The following RABEP2 variants were observed in gnomAD, a reference collection of about 807,000 sequenced individuals.
The protein encoded by RABEP2 is rab GTPase-binding effector protein 2.
In RABEP2, 57 loss-of-function variants were observed where a neutral mutation model predicts 74.1. That is an observed-to-expected ratio of 0.77 (90% CI 0.62 to 0.96). The LOEUF is 0.96. Ranked by LOEUF, RABEP2 falls within the 40% of genes least tolerant of loss-of-function variation. RABEP2 has a pLI of 0.00. For synonymous variants in RABEP2, 351 were observed against 344.0 expected, an observed-to-expected ratio of 1.02 and a Z score of -0.23; for missense variants, 692 against 756.3, an observed-to-expected ratio of 0.91 and a Z score of 1.00.
chr16:28,914,988 G>C (rs1017021176), intron 3 of RABEP2, among the ~76,000 whole-genome samples: 1 of 150,616 alleles, frequency 6.6e-6, no homozygotes, highest in African/African-American at 2.4e-5. Flanking sequence ...TGAAGGTCAC[G>C]ACTTCTTCCT....
chr16:28,925,019 C>G (rs1423426261), intron 1 of RABEP2, 84 bp downstream of exon 1: 6 of 1,411,824 alleles, frequency 4.2e-6, no homozygotes, highest in Non-Finnish European at 5.8e-6. Context: ...CATCATCCCT[C>G]TCCACCCCCC....
At position 28,914,400 on chromosome 16, in the gene RABEP2, C is replaced by A; in HGVS notation, c.730G>T (p.Gly244Cys). ...ISSFSLGGGV[G>C]SSSSLPQSRQ... is the part of the protein sequence containing the mutation. ...CTTTGGGGCAGGGAGGAGCTGCTGCCGACCCCACCGCCAAGGGAGAAGGAG... is the reference window on the plus strand; with the variant it reads ...CTTTGGGGCAGGGAGGAGCTGCTGCAGACCCCACCGCCAAGGGAGAAGGAG... Residue 244 changes from glycine to cysteine, a missense_variant, in exon 5 of 13, where the codon GGC (glycine) becomes TGC (cysteine). Coordinates refer to ENST00000358201, the MANE Select transcript of RABEP2 (RefSeq NM_024816.3). The A allele has an allele frequency of 6.2e-7, 1 of 1,613,198 alleles. No individual in the cohort carries two copies. Among genetic ancestry groups the A allele is most frequent in the South Asian group, 1.1e-5 (1 of 91,064 alleles).
Position 28,914,531 on chromosome 16 carries a change from G to T in RABEP2, c.599C>A (p.Ser200Tyr), listed in dbSNP as rs776070926. ...LHGSTELLPL[S>Y]RDPSPPLEPL... is the part of the protein sequence containing the mutation. ...CTCCAGCGGGGGCGATGGATCCCGG[G>T]ACAGGGGCAGCAACTCCGTGGAGCC... The change falls in exon 5 of 13, where the codon TCC (serine) becomes TAC (tyrosine). Residue 200 changes from serine to tyrosine, a missense_variant. Transcript: ENST00000358201. 9 of 1,612,624 alleles carry T rather than the reference G, an allele frequency of 5.6e-6. No homozygotes were observed. The African/African-American group carries it at 1.2e-4, about 21-fold the overall frequency.
intron 8 of RABEP2, among the ~76,000 whole-genome samples, chr16:28,906,580 T>C (rs1274539001): frequency 1.3e-5 from 2 of 151,934 alleles, no homozygotes; most frequent in South Asian, 2.1e-4. Context: ...GCCTGGCCAA[T>C]ATGGTGAAAC....
chr16:28,906,188 C>T lies in RABEP2; in HGVS notation c.1254G>A (p.Gln418=), dbSNP rs1427070588. 1.3e-6 allele frequency: 2 copies of T among 1,587,246 alleles called. No homozygotes were observed. Among genetic ancestry groups the T allele is most frequent in the Non-Finnish European group, 1.7e-6 (2 of 1,173,406 alleles). Residue 418 remains glutamine, a synonymous_variant, in exon 9 of 13, where the codon CAG becomes CAA. Coordinates refer to ENST00000358201, the MANE Select transcript of RABEP2 (RefSeq NM_024816.3). ...ESLPSSVPEL[Q]QLLCCTRQEA... is the part of the protein sequence containing the mutation. The stretch of plus-strand genomic sequence containing the variant: ...CTTGCCGCGTGCAGCACAGCAGCTG[C>T]TGCAGCTCCTGGAAGGGACGGAGGA...
At chr16:28,920,384 A>T (rs1341405086) in intron 2 of RABEP2, among the ~76,000 whole-genome samples, 3 of 148,428 alleles carry the variant, frequency 2.0e-5, no homozygotes, top group Non-Finnish European at 4.5e-5. Context: ...TATTATTATT[A>T]TTATTATTAT....
At chr16:28,923,621 T>C (rs1013774782) in intron 2 of RABEP2, among the ~76,000 whole-genome samples, 2 of 152,194 alleles carry the variant, frequency 1.3e-5, no homozygotes, top group African/African-American at 2.4e-5. Context: ...AGGTGGATCC[T>C]GAAATGTGGG....
In RABEP2 at chr16:28,904,670, G is replaced by T; in HGVS notation, c.*273C>A. The T allele has an allele frequency of 1.4e-6, 1 of 701,438 alleles. No individual in the cohort carries two copies. The highest frequency in any genetic ancestry group is 2.2e-6 in the Non-Finnish European group (1 of 451,252). 43.5% of individuals were successfully genotyped at this position (701,438 alleles called of 1,614,324 possible). A position where few individuals can be genotyped will look rare whatever the true frequency, so the allele number is the denominator to read the frequency against. Reference sequence around the variant, plus strand: ...GGGGAGGGCTGGAGCCCAGGAGGCAGCACAGCAGCCAGAAAGCCGCAGGCC... The same window carrying T: ...GGGGAGGGCTGGAGCCCAGGAGGCATCACAGCAGCCAGAAAGCCGCAGGCC... On this transcript the variant is annotated 3_prime_UTR_variant, in exon 13 of 13. Coordinates refer to ENST00000358201, the MANE Select transcript of RABEP2 (RefSeq NM_024816.3).
chr16:28,925,026 C>T (rs1964516501), intron 1 of RABEP2, 77 bp downstream of exon 1: 4 of 1,447,282 alleles, frequency 2.8e-6, no homozygotes, highest in Admixed American at 1.9e-5. Context: ...CCTCTCCACC[C>T]CCCATCCGCA....
In RABEP2 at chr16:28,924,470, G is replaced by A. The variant is rs767563363; in HGVS notation, c.207C>T (p.Ala69=). Residue 69 remains alanine (A), a synonymous_variant, in exon 2 of 13, where the codon GCC becomes GCT. Coordinates refer to ENST00000358201, the MANE Select transcript of RABEP2 (RefSeq NM_024816.3). ...GCCGCTGCACCGCAGCCACAGCCTCGGCCTTCGTGCTCTCGCTCACCTCTG... is the reference window on the plus strand; with the variant it reads ...GCCGCTGCACCGCAGCCACAGCCTCAGCCTTCGTGCTCTCGCTCACCTCTG... ...AVAEVSESTK[A]EAVAAVQRQC... 3 of 1,613,890 alleles carry A rather than the reference G, an allele frequency of 1.9e-6. No individual in the cohort carries two copies. The highest frequency in any genetic ancestry group is 1.1e-5 in the South Asian group (1 of 91,076).
At chr16:28,908,480 A>T in intron 8 of RABEP2, 129 bp downstream of exon 8, 2 of 949,472 alleles carry the variant, frequency 2.1e-6, no homozygotes, top group Non-Finnish European at 3.0e-6. Flanking sequence ...ACTGAGCCTT[A>T]GAGAAGGCAA....
intron 5 of RABEP2, among the ~76,000 whole-genome samples, chr16:28,912,561 G>A (rs1261229189): frequency 6.6e-6 from 1 of 151,850 alleles, no homozygotes; most frequent in East Asian, 1.9e-4. Flanking sequence ...ATAGGCATGT[G>A]CCACTGTGCC....
At chr16:28,920,005 C>G in intron 2 of RABEP2, 62 bp from the exon 3 acceptor site, 1 of 1,485,954 alleles carries the variant, frequency 6.7e-7, no homozygotes. Context: ...TGCCTGTGGG[C>G]GAGCAGGGGA....
Position 28,905,378 on chromosome 16 carries a change from G to T in RABEP2, c.1608+19C>A. The T allele has an allele frequency of 6.4e-7, 1 of 1,565,580 alleles. No homozygotes were observed. The stretch of plus-strand genomic sequence containing the variant: ...CGGAGTGGAGCCAGCCAGCCTGGCG[G>T]GGCTGGGACAGGCCATACCTGCAGG... On this transcript the variant is annotated intron_variant, in intron 12 of 12. Transcript: ENST00000358201.
At chr16:28,918,235 G>A (rs1010935931) in intron 3 of RABEP2, among the ~76,000 whole-genome samples, 2 of 151,444 alleles carry the variant, frequency 1.3e-5, no homozygotes, top group Admixed American at 6.6e-5. Context: ...GCCCGCCACC[G>A]CGCCTGGCTA....
intron 2 of RABEP2, among the ~76,000 whole-genome samples, chr16:28,922,318 G>A (rs1192087741): frequency 6.6e-6 from 1 of 152,218 alleles, no homozygotes; most frequent in Non-Finnish European, 1.5e-5. Flanking sequence ...CGGGCGTGCT[G>A]GCTCACGCCT....
In RABEP2 at chr16:28,914,656, C is replaced by A. The variant is rs375831600; in HGVS notation, c.543+16G>T. ...GGCACCCCTCCTTCCCCAGCGCCCC[C>A]TGGCCGTGCCCTCACCTGGATCTCC... On this transcript the variant is annotated intron_variant, in intron 4 of 12. Coordinates refer to ENST00000358201, the MANE Select transcript of RABEP2 (RefSeq NM_024816.3). 9.3e-6 allele frequency: 15 copies of A among 1,613,602 alleles called. 1 individual carries two copies. The highest frequency in any genetic ancestry group is 1.7e-5 in the Admixed American group (1 of 59,974).
chr16:28,924,787 G>T, intron 1 of RABEP2, 172 bp from the exon 2 acceptor site: 1 of 516,712 alleles, frequency 1.9e-6, no homozygotes, highest in South Asian at 1.6e-5. Context: ...TCGCTCTGCC[G>T]GGTGCTGCCT....
At chr16:28,913,936 CTTTTT>C (rs78683101) in intron 5 of RABEP2, among the ~76,000 whole-genome samples, 8 of 136,668 alleles carry the variant, frequency 5.9e-5, no homozygotes, top group African/African-American at 1.6e-4. Flanking sequence ...GTATACTTGG[CTTTTT>C]TTTTTTTTTT....
Sources: gnomAD v4.1 joint callset for allele counts (sites outside exome capture counted in the v4.1 genomes callset) on GRCh38, gnomAD v4.1.1 for gene constraint, MANE v1.5 for transcripts, NCBI Gene and HGNC (gene_info 2026-07-23, HGNC 2026-07-21) for gene names.